The following IL1RAPL1 variants were observed in gnomAD, a reference collection of about 807,000 sequenced individuals.
The protein encoded by IL1RAPL1 is interleukin-1 receptor accessory protein-like 1.
In IL1RAPL1, 3 loss-of-function variants were observed where a neutral mutation model predicts 48.4. That is an observed-to-expected ratio of 0.06 (90% CI 0.03 to 0.16). The LOEUF (loss-of-function observed/expected upper bound fraction) is 0.16, where lower values mean the gene tolerates loss of function less well. Among genes scored for constraint, IL1RAPL1 ranks in the 10% least tolerant of loss-of-function variants. The pLI is 1.00. For missense variants in IL1RAPL1, 349 were observed against 530.6 expected (o/e 0.66, Z 3.36); for synonymous variants, 185 against 187.7 (o/e 0.99, Z 0.12).
chrX:29,312,661 G>A (rs1023421310), intron 3 of IL1RAPL1, among the ~76,000 whole-genome samples: 3 of 111,460 alleles, frequency 2.7e-5, no homozygotes, highest in Non-Finnish European at 3.8e-5. Context: ...ACTTTTTCCT[G>A]TTCTAACTTC....
chrX:28,890,007 C>CTT (rs1922734618), intron 2 of IL1RAPL1, among the ~76,000 whole-genome samples: 1 of 111,520 alleles, frequency 9.0e-6, no homozygotes, highest in Non-Finnish European at 1.9e-5. Flanking sequence ...TCTGTAAACT[C>CTT]TGATAGTTGC....
At chrX:29,802,982 T>C (rs1275606178) in intron 6 of IL1RAPL1, among the ~76,000 whole-genome samples, 1 of 60,583 alleles carries the variant, frequency 1.7e-5, no homozygotes, top group South Asian at 7.3e-4. Flanking sequence ...TATACATACA[T>C]GTGTACATAT....
intron 5 of IL1RAPL1, among the ~76,000 whole-genome samples, chrX:29,632,293 C>T (rs759707288): frequency 3.5e-4 from 38 of 109,411 alleles, no homozygotes; most frequent in African/African-American, 9.3e-4. Flanking sequence ...GGACTACAGG[C>T]GCCCGCCACC....
intron 3 of IL1RAPL1, among the ~76,000 whole-genome samples, chrX:29,335,139 TGGCGTCGCAGGCACTCGGCA>T (rs1429054128): frequency 3.8e-5 from 4 of 104,478 alleles, no homozygotes; most frequent in South Asian, 4.3e-4. Flanking sequence ...CAGTCAGGCG[TGGCGTCGCAGGCACTCGGCA>T]GGCTGAGGCA....
At chrX:29,233,703 G>C (rs951180506) in intron 2 of IL1RAPL1, among the ~76,000 whole-genome samples, 1 of 111,542 alleles carries the variant, frequency 9.0e-6, no homozygotes, top group Non-Finnish European at 1.9e-5. Context: ...ACTAGGTTAC[G>C]TTATACAGCA....
chrX:29,386,129 A>G (rs1325158815), intron 3 of IL1RAPL1, among the ~76,000 whole-genome samples: 4 of 111,659 alleles, frequency 3.6e-5, no homozygotes, highest in Non-Finnish European at 7.5e-5. Flanking sequence ...TCCTGGGTTC[A>G]AGCAATTCTC....
intron 2 of IL1RAPL1, among the ~76,000 whole-genome samples, chrX:29,267,385 T>C (rs1486976490): frequency 2.7e-5 from 3 of 112,334 alleles, no homozygotes; most frequent in Non-Finnish European, 5.6e-5. Context: ...TACCATTTTG[T>C]TGTATAGTTT....
intron 6 of IL1RAPL1, among the ~76,000 whole-genome samples, chrX:29,730,048 G>T (rs752169436): frequency 1.8e-5 from 2 of 112,146 alleles, no homozygotes; most frequent in South Asian, 7.4e-4. Context: ...TCACAATGCT[G>T]TTCAGAAGGA....
At chrX:29,327,292 T>C (rs903238830) in intron 3 of IL1RAPL1, among the ~76,000 whole-genome samples, 19 of 110,369 alleles carry the variant, frequency 1.7e-4, no homozygotes, top group Admixed American at 6.8e-4. Flanking sequence ...ATGAAACATA[T>C]CACATAACCT....
chrX:28,695,597 T>C (rs2146927393), intron 1 of IL1RAPL1, among the ~76,000 whole-genome samples: 1 of 112,098 alleles, frequency 8.9e-6, no homozygotes, highest in Admixed American at 9.5e-5. Flanking sequence ...ATAGTGAAAG[T>C]TTGGACAACC....
At chrX:29,717,808 T>C (rs1164529537) in intron 6 of IL1RAPL1, among the ~76,000 whole-genome samples, 1 of 111,886 alleles carries the variant, frequency 8.9e-6, no homozygotes, top group Admixed American at 9.5e-5. Context: ...CCTTGCTCTA[T>C]TGTGTTTTAG....
intron 2 of IL1RAPL1, among the ~76,000 whole-genome samples, chrX:29,069,669 A>ACACACACACACC (rs1491196944): frequency 3.9e-5 from 4 of 101,483 alleles, no homozygotes; most frequent in Non-Finnish European, 4.0e-5. Flanking sequence ...ACACACACAC[A>ACACACACACACC]CCCCTCCCCT....
intron 2 of IL1RAPL1, among the ~76,000 whole-genome samples, chrX:29,174,873 C>G (rs1602095759): frequency 9.0e-6 from 1 of 110,587 alleles, no homozygotes; most frequent in Admixed American, 9.6e-5. Flanking sequence ...AGGGGATCGA[C>G]ACCATACTGG....
chrX:28,824,630 T>G (rs1936972781), intron 2 of IL1RAPL1, among the ~76,000 whole-genome samples: 1 of 111,410 alleles, frequency 9.0e-6, no homozygotes, highest in Admixed American at 9.6e-5. Context: ...TCATATCTCC[T>G]AAGTCCTGCT....
chrX:29,860,527 C>A (rs1468866057), intron 6 of IL1RAPL1, among the ~76,000 whole-genome samples: 1 of 110,483 alleles, frequency 9.1e-6, no homozygotes, highest in African/African-American at 3.3e-5. Context: ...CACCCCCTGA[C>A]AGGCCCGTGT....
chrX:28,659,560 T>C, intron 1 of IL1RAPL1: 1 of 424,935 alleles, frequency 2.4e-6, no homozygotes. Context: ...AGCTAGAGAC[T>C]GGCTAGCTGG....
At chrX:29,213,052 G>A (rs937461785) in intron 2 of IL1RAPL1, among the ~76,000 whole-genome samples, 3 of 111,239 alleles carry the variant, frequency 2.7e-5, no homozygotes, top group African/African-American at 9.8e-5. Context: ...AGGCTGGAGT[G>A]CGATGGCACA....
At chrX:29,629,726 G>A (rs188332148) in intron 5 of IL1RAPL1, among the ~76,000 whole-genome samples, 2 of 112,039 alleles carry the variant, frequency 1.8e-5, no homozygotes, top group African/African-American at 6.5e-5. Context: ...GTGATAAAAT[G>A]CACTCTGTTT....
chrX:28,766,516 A>G (rs185321881), intron 1 of IL1RAPL1, among the ~76,000 whole-genome samples: 2 of 111,770 alleles, frequency 1.8e-5, no homozygotes, highest in African/African-American at 6.5e-5. Context: ...CGTCCCCTCA[A>G]GCATTTATTT....
Sources: gnomAD v4.1 joint callset for allele counts (sites outside exome capture counted in the v4.1 genomes callset) on GRCh38, gnomAD v4.1.1 for gene constraint, MANE v1.5 for transcripts, NCBI Gene and HGNC (gene_info 2026-07-23, HGNC 2026-07-21) for gene names.